Variants in MTERF4 observed in about 807,000 individuals in gnomAD.
The protein encoded by MTERF4 is mitochondrial transcription termination factor 4, also known as transcription termination factor 4, mitochondrial.
A neutral mutation model predicts 22.5 loss-of-function variants in MTERF4; 17 were observed. That is an observed-to-expected ratio of 0.75 (90% CI 0.52 to 1.13). MTERF4 has a LOEUF of 1.13. Ranked by LOEUF, MTERF4 falls within the 50% of genes most tolerant of loss-of-function variation. The pLI, the probability that MTERF4 is intolerant of heterozygous loss-of-function variation, is 0.00. For synonymous variants in MTERF4, 165 were observed against 175.3 expected, an observed-to-expected ratio of 0.94 and a Z score of 0.47; for missense variants, 420 against 466.8, an observed-to-expected ratio of 0.90 and a Z score of 0.92.
the MTERF4 span, chr2:241,052,485 GATCAAGCAGGGTACATGGGATACCA>G: frequency 1.9e-6 from 3 of 1,565,944 alleles, no homozygotes; most frequent in African/African-American, 4.5e-5. Flanking sequence ...GGGTCAGGGG[GATCAAGCAGGGTACATGGGATACCA>G]GTGCCAGGCA....
chr2:241,065,018 CCCAACGGTCT>C, the MTERF4 span: 12 of 1,280,110 alleles, frequency 9.4e-6, no homozygotes, highest in Non-Finnish European at 1.3e-5. Context: ...CCCTAGAGGG[CCCAACGGTCT>C]CCAAGGGCAG....
chr2:241,049,611 G>A, the MTERF4 span, among the ~76,000 whole-genome samples: 1 of 152,160 alleles, frequency 6.6e-6, no homozygotes, highest in Non-Finnish European at 1.5e-5. Context: ...GGTGAATTCT[G>A]CTAAAATCGA....
chr2:241,045,727 A>AT, the MTERF4 span, among the ~76,000 whole-genome samples: 1 of 151,832 alleles, frequency 6.6e-6, no homozygotes, highest in African/African-American at 2.4e-5. Flanking sequence ...AAAAAAAAAA[A>AT]TTTATGACCT....
Position 241,073,016 on chromosome 2 carries a change from C to T in MTERF4, n.3146G>A. On this transcript the variant is annotated non_coding_transcript_exon_variant, in exon 5 of 5. Coordinates refer to the MTERF4 transcript ENST00000464344. This position sits in a 1 kb window ranked among gnomAD's most constrained non-coding sequence, Gnocchi z 6.6. ...CTCAGCATGATCAGTGGTGGCTGTC[C>T]CTGAAGCAGCTCTGAGGGGGCCCTG... is the stretch of plus-strand genomic sequence containing the variant. The T allele has an allele frequency of 2.0e-6, 1 of 505,692 alleles. No homozygotes were observed. Among genetic ancestry groups the T allele is most frequent in the Non-Finnish European group, 3.5e-6 (1 of 284,922 alleles). 31.3% of individuals were successfully genotyped at this position (505,692 alleles called of 1,614,324 possible). A position where few individuals can be genotyped will look rare whatever the true frequency, so the allele number is the denominator to read the frequency against.
chr2:241,052,975 G>A, the MTERF4 span, among the ~76,000 whole-genome samples: 2,737 of 152,272 alleles, frequency 0.018, 45 homozygotes, highest in Middle Eastern at 0.031. Context: ...GCAGGAATGG[G>A]AAGAAGGAAA....
At chr2:241,062,177 C>T in the MTERF4 span, among the ~76,000 whole-genome samples, 1 of 152,028 alleles carries the variant, frequency 6.6e-6, no homozygotes, top group Admixed American at 6.6e-5. Context: ...TTTTTAAAGA[C>T]AAGGAAATTA....
chr2:241,070,670 G>A (rs1005943370), downstream of MTERF4, among the ~76,000 whole-genome samples: 46 of 152,212 alleles, frequency 3.0e-4, 1 homozygote, highest in South Asian at 2.7e-3. Context: ...GAAGCCGCTC[G>A]GAGTGGGGAC....
downstream of MTERF4, chr2:241,095,187 C>G (rs908992508): frequency 6.6e-6 from 1 of 152,334 alleles, no homozygotes; most frequent in Non-Finnish European, 1.5e-5. Flanking sequence ...GTAACCAGGG[C>G]AGGGGAGATA....
exon 5 of MTERF4, chr2:241,072,367 C>T: frequency 2.7e-6 from 1 of 374,548 alleles, no homozygotes; most frequent in Admixed American, 3.4e-5. Flanking sequence ...ACCGGGTTTA[C>T]TGGGTGAGTG....
chr2:241,087,932 CCA>C (rs1331512167), downstream of MTERF4: 62 of 408,730 alleles, frequency 1.5e-4, no homozygotes, highest in East Asian at 2.1e-3. Context: ...GCTTTAGAAA[CCA>C]CAGAGTCGAA....
At chr2:241,083,393 GGGA>G (rs10587141), downstream of MTERF4, among the ~76,000 whole-genome samples, 77,972 of 151,634 alleles carry the variant, frequency 0.51, 22,953 homozygotes, top group African/African-American at 0.82. Context: ...GCATGAAATG[GGGA>G]GGAGCTACTG....
chr2:241,065,345 T>A, the MTERF4 span: 2 of 1,611,402 alleles, frequency 1.2e-6, no homozygotes, highest in Non-Finnish European at 1.7e-6. Flanking sequence ...TGGAGGAGAG[T>A]GGGGTCTCTA....
chr2:241,101,277 C>T, intron 1 of MTERF4: 1 of 430,180 alleles, frequency 2.3e-6, no homozygotes, highest in East Asian at 7.4e-5. Flanking sequence ...TCATAAGGAG[C>T]GCAACCTGGA....
In MTERF4 at chr2:241,073,555, C is replaced by A; in HGVS notation, n.2607G>T. 1.6e-6 allele frequency: 1 copy of A among 634,860 alleles called. No individual in the cohort carries two copies. The highest frequency in any genetic ancestry group is 2.9e-6 in the Non-Finnish European group (1 of 347,120). 39.3% of individuals were successfully genotyped at this position (634,860 alleles called of 1,614,324 possible). On this transcript the variant is annotated non_coding_transcript_exon_variant, in exon 5 of 5. Coordinates refer to the MTERF4 transcript ENST00000464344. This position sits in a 1 kb window ranked among gnomAD's most constrained non-coding sequence, Gnocchi z 6.6. ...GCTACACCACCCAAGCAGTGGGACC[C>A]CACAGACGGGAACAGGCCAGGGGGC...
At chr2:241,085,974 TCTC>T (rs2063556899), downstream of MTERF4, among the ~76,000 whole-genome samples, 2 of 151,316 alleles carry the variant, frequency 1.3e-5, no homozygotes, top group Non-Finnish European at 2.9e-5. Context: ...TTCAAGCTAT[TCTC>T]CTGCCTCAGA....
the MTERF4 span, among the ~76,000 whole-genome samples, chr2:241,046,900 T>A: frequency 2.6e-5 from 4 of 152,158 alleles, no homozygotes; most frequent in Non-Finnish European, 4.4e-5. Context: ...ATCCCAGCAC[T>A]TTGGGAGGCC....
chr2:241,085,161 C>T (rs1369431079), downstream of MTERF4, among the ~76,000 whole-genome samples: 1 of 152,038 alleles, frequency 6.6e-6, no homozygotes, highest in Non-Finnish European at 1.5e-5. Flanking sequence ...TTTTGTCAAA[C>T]TTCGTAAAAT....
exon 5 of MTERF4, chr2:241,072,481 T>G: frequency 1.2e-5 from 4 of 344,966 alleles, no homozygotes; most frequent in South Asian, 8.8e-5. Context: ...CTCTGGCCCT[T>G]GCCTCTCACC....
chr2:241,048,430 C>T, the MTERF4 span: 4 of 1,604,892 alleles, frequency 2.5e-6, no homozygotes, highest in Non-Finnish European at 3.4e-6. Context: ...TGGGCCTGGA[C>T]TGCAGGGAGA....
Sources: allele counts gnomAD v4.1 joint callset (sites outside exome capture counted in the v4.1 genomes callset), GRCh38; gene constraint gnomAD v4.1.1; non-coding constraint Gnocchi (gnomAD v3.1); transcripts MANE v1.5; gene names NCBI Gene and HGNC (gene_info 2026-07-23, HGNC 2026-07-21).